NEBL: variants seen among roughly 807,000 people sequenced by gnomAD.
NEBL encodes the protein LIM and SH3 protein 2.
In NEBL, 122 loss-of-function variants were observed where a neutral mutation model predicts 140.2. That is an observed-to-expected ratio of 0.87 (90% confidence interval 0.75 to 1.01). NEBL has a LOEUF of 1.01. Ranked by LOEUF, NEBL falls within the 50% of genes least tolerant of loss-of-function variation. The pLI, the probability that NEBL is intolerant of heterozygous loss-of-function variation, is 0.00. For synonymous variants in NEBL, 436 were observed against 398.9 expected (o/e 1.09, Z -1.11); for missense variants, 1,365 against 1,231.3 (o/e 1.11, Z -1.62).
rs1379518369 is a variant in NEBL at position 20,823,175 on chromosome 10, A to C, written c.1962+33T>G. ...GTCATTACGTGTTGATATACAATAA[A>C]ATTTTTAAAAAATACTTAAGAAATA... On this transcript the variant is annotated intron_variant, in intron 19 of 27. Transcript: ENST00000377122. The C allele has an allele frequency of 2.0e-6, 3 of 1,512,176 alleles. No homozygotes were observed. The African/African-American group carries it at 4.2e-5, about 21-fold the overall frequency. The allele number at this position is 1,512,176 out of a possible 1,614,324, so 93.7% of individuals were successfully genotyped here. A position where few individuals can be genotyped will look rare whatever the true frequency, so the allele number is the denominator to read the frequency against.
chr10:21,030,114 G>A, intron 2 of NEBL: 1 of 472,926 alleles, frequency 2.1e-6, no homozygotes, highest in South Asian at 1.9e-5. Flanking sequence ...CCCGTTGATA[G>A]AGCTGCTAGA....
rs576052157 is a variant in NEBL at position 20,937,773 on chromosome 10, C to T, written c.357+23899G>A. On this transcript the variant is annotated intron_variant, in intron 4 of 6. Coordinates refer to the NEBL transcript ENST00000417816. ...GCACTTTTCCGACGGTTTTAGCAAACGGCACACCAGGAGATCATATCCTGT... is the reference window on the plus strand; with the variant it reads ...GCACTTTTCCGACGGTTTTAGCAAATGGCACACCAGGAGATCATATCCTGT... Among the ~76,000 whole-genome samples the T allele has an allele frequency of 7.2e-5, 11 of 152,288 alleles. No homozygotes were observed. The South Asian group carries it at 1.2e-3, about 17-fold the overall frequency.
At chr10:20,830,463 C>A (rs1332973363) in intron 16 of NEBL, among the ~76,000 whole-genome samples, 1 of 152,026 alleles carries the variant, frequency 6.6e-6, no homozygotes, top group Non-Finnish European at 1.5e-5. Flanking sequence ...TTTTTGTGGT[C>A]ACTACTTCTC....
At chr10:20,839,321 G>A (rs539121678) in intron 13 of NEBL, among the ~76,000 whole-genome samples, 10 of 152,124 alleles carry the variant, frequency 6.6e-5, no homozygotes, top group African/African-American at 9.7e-5. Context: ...GACATGTCAC[G>A]GCAACAGAAG....
At chr10:21,076,790 T>C (rs866691877) in intron 2 of NEBL, among the ~76,000 whole-genome samples, 2 of 152,210 alleles carry the variant, frequency 1.3e-5, no homozygotes, top group Non-Finnish European at 2.9e-5. Flanking sequence ...AGCCCACTTA[T>C]ATTTGGCCCT....
At chr10:20,968,137 A>T (rs959361935) in intron 3 of NEBL, among the ~76,000 whole-genome samples, 1 of 152,148 alleles carries the variant, frequency 6.6e-6, no homozygotes, top group East Asian at 1.9e-4. Context: ...ACACCAGCAA[A>T]CACAGACTTG....
chr10:21,187,628 C>T (rs1841497578), intron 3 of NEBL, among the ~76,000 whole-genome samples: 1 of 152,100 alleles, frequency 6.6e-6, no homozygotes, highest in Non-Finnish European at 1.5e-5. Context: ...ATTCTCCCAC[C>T]TCAGCCTCCT....
chr10:21,204,382 G>A (rs1030396992), intron 3 of NEBL, among the ~76,000 whole-genome samples: 4 of 152,176 alleles, frequency 2.6e-5, no homozygotes, highest in African/African-American at 7.2e-5. Flanking sequence ...TCCCTGATCC[G>A]ATAGGATTAA....
At chr10:21,053,263 T>G (rs985787308) in intron 2 of NEBL, among the ~76,000 whole-genome samples, 5 of 152,188 alleles carry the variant, frequency 3.3e-5, no homozygotes, top group Non-Finnish European at 5.9e-5. Context: ...TGGAGAATTT[T>G]GGGGAGAAAA....
At chr10:21,158,875 T>C (rs1377334583) in intron 2 of NEBL, among the ~76,000 whole-genome samples, 2 of 152,234 alleles carry the variant, frequency 1.3e-5, no homozygotes, top group Non-Finnish European at 2.9e-5. Flanking sequence ...TCTGTCATCG[T>C]TTATTATCAC....
chr10:20,932,500 T>A (rs1469647452), intron 4 of NEBL, among the ~76,000 whole-genome samples: 1 of 152,188 alleles, frequency 6.6e-6, no homozygotes, highest in Non-Finnish European at 1.5e-5. Context: ...AAATGATGGG[T>A]TGATAGGTGC....
chr10:20,911,700 A>G (rs1206577106), intron 4 of NEBL, among the ~76,000 whole-genome samples: 1 of 152,228 alleles, frequency 6.6e-6, no homozygotes, highest in African/African-American at 2.4e-5. Context: ...GGCATGGGAA[A>G]TCATCAGTGA....
intron 7 of NEBL, among the ~76,000 whole-genome samples, chr10:20,866,226 G>C (rs1424701702): frequency 6.6e-6 from 1 of 152,030 alleles, no homozygotes; most frequent in Non-Finnish European, 1.5e-5. Flanking sequence ...AGGGGGCGTT[G>C]GGGAGTTATT....
intron 2 of NEBL, among the ~76,000 whole-genome samples, chr10:21,049,752 T>C (rs1196448066): frequency 6.6e-6 from 1 of 152,224 alleles, no homozygotes; most frequent in African/African-American, 2.4e-5. Context: ...ATCCCCTTCT[T>C]TGCAGGCAAA....
At chr10:21,123,501 G>A (rs1278141542) in intron 2 of NEBL, among the ~76,000 whole-genome samples, 2 of 152,046 alleles carry the variant, frequency 1.3e-5, no homozygotes, top group Non-Finnish European at 1.5e-5. Flanking sequence ...TGTCACGAGA[G>A]CCCTGAGCTC....
chr10:21,014,047 G>T (rs1257255005), intron 3 of NEBL, among the ~76,000 whole-genome samples: 1 of 152,090 alleles, frequency 6.6e-6, no homozygotes. Context: ...CCCCAAAAGT[G>T]CCTTAAAACA....
chr10:20,896,995 A>T lies in NEBL; in HGVS notation c.116T>A (p.Met39Lys). The T allele has an allele frequency of 6.2e-7, 1 of 1,613,990 alleles. No individual in the cohort carries two copies. Among genetic ancestry groups the T allele is most frequent in the Non-Finnish European group, 8.5e-7 (1 of 1,179,974 alleles). ...TTCCGTGCATTTTCTGGCCAATTCC[A>T]TGCTTAAGTCTTCAATAACAGGCTT... is the stretch of plus-strand genomic sequence containing the variant. ...FYKPVIEDLS[M>K]ELARKCTELI... Residue 39 changes from methionine to lysine, a missense_variant, in exon 2 of 28, where the codon ATG (methionine) becomes AAG (lysine). Met to Lys is a moderately conservative substitution (Grantham distance 95). This residue lies in a region of NEBL where 1,323 missense variants were observed against 1,154.8 expected (regional missense o/e 1.15). Coordinates refer to ENST00000377122, the MANE Select transcript of NEBL (RefSeq NM_006393.3).
At chr10:20,915,973 A>G (rs1056607226) in intron 4 of NEBL, among the ~76,000 whole-genome samples, 3 of 152,174 alleles carry the variant, frequency 2.0e-5, no homozygotes, top group Admixed American at 2.0e-4. Context: ...TGTTGTCATA[A>G]CCTTATCACT....
rs568004321 is a variant in NEBL, at chr10:21,191,886, G to T, written n.349-19409C>A. 3.4e-4 allele frequency among the ~76,000 whole-genome samples: 51 copies of T among 152,130 alleles called. 1 individual carries two copies. The highest frequency in any genetic ancestry group is 6.3e-3 in the Middle Eastern group (2 of 316). ...ACTTCTAAAACTAGAAATGATGCAG[G>T]AGACCTAGAGACAGTGGGAGGCATG... On this transcript the variant is annotated intron_variant and non_coding_transcript_variant, in intron 3 of 8. Coordinates refer to the NEBL transcript ENST00000675702.
Sources: gnomAD v4.1 joint callset for allele counts (sites outside exome capture counted in the v4.1 genomes callset) on GRCh38, gnomAD v4.1.1 for gene constraint, gnomAD v4.1.1 regional missense constraint, MANE v1.5 for transcripts, NCBI Gene and HGNC (gene_info 2026-07-23, HGNC 2026-07-21) for gene names.